The following ITPR2 variants were observed in gnomAD, a reference collection of about 807,000 sequenced individuals.
ITPR2 encodes the protein inositol 1,4,5-trisphosphate-gated calcium channel ITPR2.
A neutral mutation model predicts 317.1 loss-of-function variants in ITPR2; 207 were observed. That is an observed-to-expected ratio of 0.65 (90% confidence interval 0.58 to 0.73). The LOEUF (loss-of-function observed/expected upper bound fraction) is 0.73, where lower values mean the gene tolerates loss of function less well. ITPR2 is among the 30% of genes least tolerant of loss of function. The pLI, the probability that ITPR2 is intolerant of heterozygous loss-of-function variation, is 0.00. For synonymous variants in ITPR2, 1,156 were observed against 1,149.1 expected (o/e 1.01, Z -0.12); for missense variants, 2,613 against 3,284.0 (o/e 0.80, Z 4.99).
chr12:26,682,480 G>A, intron 12 of ITPR2, 94 bp downstream of exon 12: 2 of 739,034 alleles, frequency 2.7e-6, no homozygotes, highest in Non-Finnish European at 2.3e-6. Context: ...TGGTGAAGAT[G>A]GAGTATAAGG....
intron 37 of ITPR2, among the ~76,000 whole-genome samples, chr12:26,546,500 C>G (rs1944393285): frequency 6.6e-6 from 1 of 152,164 alleles, no homozygotes; most frequent in African/African-American, 2.4e-5. Context: ...CAGTTCCATG[C>G]AGCATCCACG....
rs765209588 is a variant in ITPR2, at chr12:26,578,759, C to A, written c.4584G>T (p.Ala1528=). 4 of 1,611,060 alleles carry A rather than the reference C, an allele frequency of 2.5e-6. No homozygotes were observed. Among genetic ancestry groups the A allele is most frequent in the East Asian group, 4.5e-5 (2 of 44,836 alleles). ...TACAGGATTCCACTGAGGCTTTCTG[C>A]GCTGGGTTTGGCCAGGTGCAATTGT... ...RIYNCTWPNP[A]QKASVESCIR... is the part of the protein sequence containing the mutation. The change falls in exon 34 of 57, where the codon GCG becomes GCT. Residue 1528 remains alanine (A), a synonymous_variant. Transcript: ENST00000381340.
intron 37 of ITPR2, among the ~76,000 whole-genome samples, chr12:26,527,719 C>A (rs1237824705): frequency 6.6e-6 from 1 of 152,166 alleles, no homozygotes; most frequent in Admixed American, 6.5e-5. Context: ...CAAGTTGAGA[C>A]ATACTTCTTC....
At chr12:26,356,843 A>G (rs1274327339) in intron 55 of ITPR2, among the ~76,000 whole-genome samples, 1 of 152,192 alleles carries the variant, frequency 6.6e-6, no homozygotes, top group African/African-American at 2.4e-5. Flanking sequence ...CACTGTGCCC[A>G]GCTCATTTTA....
At chr12:26,698,566 T>C (rs930710289) in intron 9 of ITPR2, among the ~76,000 whole-genome samples, 3 of 152,060 alleles carry the variant, frequency 2.0e-5, no homozygotes, top group African/African-American at 7.2e-5. Flanking sequence ...GAAGGGAGTA[T>C]GGATGGAAAG....
At chr12:26,699,612 C>T (rs570433950) in intron 9 of ITPR2, among the ~76,000 whole-genome samples, 59 of 152,050 alleles carry the variant, frequency 3.9e-4, no homozygotes, top group African/African-American at 1.4e-3. Context: ...GAGATTACCT[C>T]AGTAAACTCA....
At chr12:26,526,836 G>C (rs1419361270) in intron 37 of ITPR2, among the ~76,000 whole-genome samples, 1 of 152,148 alleles carries the variant, frequency 6.6e-6, no homozygotes, top group Admixed American at 6.6e-5. Flanking sequence ...TGCCATAAGG[G>C]GCGAGAGATA....
chr12:26,383,608 C>T (rs1226250914), intron 55 of ITPR2, among the ~76,000 whole-genome samples: 11 of 151,390 alleles, frequency 7.3e-5, no homozygotes, highest in South Asian at 2.1e-4. Flanking sequence ...CTCAGCCTCC[C>T]GAGTAGCTGG....
chr12:26,520,016 G>A (rs1449899050), intron 37 of ITPR2, among the ~76,000 whole-genome samples: 2 of 152,220 alleles, frequency 1.3e-5, no homozygotes, highest in Non-Finnish European at 2.9e-5. Flanking sequence ...AGGTAGGTGG[G>A]AGGATGGGAA....
rs192781488 is a variant in ITPR2, at chr12:26,805,212, A to G, written c.93-14985T>C. Among the ~76,000 whole-genome samples the G allele has an allele frequency of 1.4e-3, 207 of 152,318 alleles. 1 individual carries two copies. The highest frequency in any genetic ancestry group is 4.9e-3 in the African/African-American group (205 of 41,570). On this transcript the variant is annotated intron_variant, in intron 1 of 56. Transcript: ENST00000381340. ...CACAATTGTATCTTTTCCATACTAAATCTGTGATGTTGGGAAAGTCGTTTC... is the reference window on the plus strand; with the variant it reads ...CACAATTGTATCTTTTCCATACTAAGTCTGTGATGTTGGGAAAGTCGTTTC...
intron 37 of ITPR2, among the ~76,000 whole-genome samples, chr12:26,541,909 A>C (rs1944273624): frequency 1.3e-5 from 2 of 152,200 alleles, no homozygotes; most frequent in Non-Finnish European, 2.9e-5. Flanking sequence ...AGGACATCTT[A>C]AAAATAATTC....
chr12:26,479,677 T>C (rs12580326), intron 43 of ITPR2, among the ~76,000 whole-genome samples: 1 of 152,174 alleles, frequency 6.6e-6, no homozygotes, highest in African/African-American at 2.4e-5. Flanking sequence ...CACAAGTACA[T>C]CTATGTAAGA....
chr12:26,443,495 G>T, intron 46 of ITPR2, 48 bp downstream of exon 46: 1 of 1,404,216 alleles, frequency 7.1e-7, no homozygotes, highest in Non-Finnish European at 1.0e-6. Context: ...TAGGAAGTAA[G>T]CATAACTTTT....
At chr12:26,633,127 G>T (rs373617006) in intron 21 of ITPR2, among the ~76,000 whole-genome samples, 92 of 117,788 alleles carry the variant, frequency 7.8e-4, no homozygotes, top group African/African-American at 3.5e-3. Context: ...AAATAAGATG[G>T]GATGAGATTT....
chr12:26,344,078 C>T (rs1029891132), intron 55 of ITPR2, among the ~76,000 whole-genome samples: 1 of 152,170 alleles, frequency 6.6e-6, no homozygotes, highest in Non-Finnish European at 1.5e-5. Context: ...TGCTCTCTCT[C>T]ACCCTCTCAC....
chr12:26,723,280 G>A (rs573899105), intron 4 of ITPR2, among the ~76,000 whole-genome samples: 1 of 151,814 alleles, frequency 6.6e-6, no homozygotes, highest in African/African-American at 2.4e-5. Flanking sequence ...AATAAAGTAC[G>A]GTTCTTTAAT....
intron 2 of ITPR2, among the ~76,000 whole-genome samples, chr12:26,737,958 A>C (rs1352474805): frequency 6.6e-6 from 1 of 152,148 alleles, no homozygotes; most frequent in African/African-American, 2.4e-5. Flanking sequence ...ATTAACAGAG[A>C]GTCAAAGGTA....
chr12:26,705,158 C>T (rs1208749914), intron 9 of ITPR2, among the ~76,000 whole-genome samples: 2 of 152,144 alleles, frequency 1.3e-5, no homozygotes, highest in East Asian at 3.8e-4. Flanking sequence ...TGGCCTGCAA[C>T]TCTGCTTCCC....
intron 1 of ITPR2, among the ~76,000 whole-genome samples, chr12:26,796,999 T>C (rs1950457597): frequency 6.6e-6 from 1 of 152,138 alleles, no homozygotes; most frequent in Non-Finnish European, 1.5e-5. Flanking sequence ...ATCACGCCAC[T>C]GCCCTCTAGT....
Sources: gnomAD v4.1 joint callset for allele counts (sites outside exome capture counted in the v4.1 genomes callset) on GRCh38, gnomAD v4.1.1 for gene constraint, MANE v1.5 for transcripts, NCBI Gene and HGNC (gene_info 2026-07-23, HGNC 2026-07-21) for gene names.